The following CHD9 variants were observed in gnomAD, a reference collection of about 807,000 sequenced individuals.
The protein encoded by CHD9 is chromodomain helicase DNA binding protein 9, also known as ATP-dependent chromatin remodeler CHD9.
In CHD9, 77 loss-of-function variants were observed where a neutral mutation model predicts 316.1. The ratio of observed to expected loss-of-function variants is 0.24; its 90% CI spans 0.20 to 0.29. The LOEUF (loss-of-function observed/expected upper bound fraction) is 0.29. Among genes scored for constraint, CHD9 ranks in the 10% least tolerant of loss-of-function variants. The pLI, the probability that CHD9 is intolerant of heterozygous loss-of-function variation, is 1.00. For synonymous variants in CHD9, 1,129 were observed against 1,158.3 expected (o/e 0.97, Z 0.51); for missense variants, 2,763 against 3,438.1 (o/e 0.80, Z 4.91).
intron 1 of CHD9, among the ~76,000 whole-genome samples, chr16:53,151,219 C>G (rs1335361391): frequency 1.5e-5 from 2 of 130,686 alleles, no homozygotes; most frequent in Non-Finnish European, 3.3e-5. Context: ...CCCTCCCCCC[C>G]TCCCCTCCCT....
intron 24 of CHD9, among the ~76,000 whole-genome samples, chr16:53,278,056 G>A (rs1014267783): frequency 2.0e-5 from 3 of 150,968 alleles, no homozygotes; most frequent in East Asian, 1.9e-4. Context: ...AACCAAGGAC[G>A]TGAAAGCTCT....
chr16:53,317,427 T>C (rs562143572), intron 36 of CHD9, among the ~76,000 whole-genome samples: 1 of 152,332 alleles, frequency 6.6e-6, no homozygotes, highest in Admixed American at 6.5e-5. Context: ...AATAGTTGTA[T>C]AGAGAAGTAG....
chr16:53,170,844 A>G (rs1240201986), intron 2 of CHD9, among the ~76,000 whole-genome samples: 1 of 152,150 alleles, frequency 6.6e-6, no homozygotes, highest in Non-Finnish European at 1.5e-5. Context: ...AGGATATTAT[A>G]GATGAATTCA....
chr16:53,321,525 G>T lies in CHD9; in HGVS notation c.7714-1G>T. 6.5e-7 allele frequency: 1 copy of T among 1,536,510 alleles called. No homozygotes were observed. Among genetic ancestry groups the T allele is most frequent in the East Asian group, 2.4e-5 (1 of 42,290 alleles). ...GTATTTAATCTGTTTCTAATTTACA[G>T]GTTGGAGGTGCATTTGCTCCCCCTT... On this transcript the variant is annotated splice_acceptor_variant, in intron 37 of 38. Coordinates refer to ENST00000447540, the MANE Select transcript of CHD9 (RefSeq NM_001308319.2). LOFTEE classifies it high-confidence loss of function.
At chr16:53,158,988 A>G (rs2041721745) in intron 2 of CHD9, among the ~76,000 whole-genome samples, 1 of 152,158 alleles carries the variant, frequency 6.6e-6, no homozygotes, top group Admixed American at 6.5e-5. Flanking sequence ...GAAAATATGT[A>G]TATGGGCCAG....
chr16:53,182,637 A>T (rs1289317371), intron 2 of CHD9, among the ~76,000 whole-genome samples: 1 of 152,148 alleles, frequency 6.6e-6, no homozygotes, highest in Non-Finnish European at 1.5e-5. Context: ...TAGATGAGCC[A>T]ATTTTTTTCC....
At chr16:53,152,388 A>T (rs1239921286) in intron 1 of CHD9, among the ~76,000 whole-genome samples, 1 of 152,112 alleles carries the variant, frequency 6.6e-6, no homozygotes, top group African/African-American at 2.4e-5. Flanking sequence ...GTGGAGAGAC[A>T]GGTGTTTGGA....
chr16:53,163,715 TATTACTG>T (rs1271587385), intron 2 of CHD9, among the ~76,000 whole-genome samples: 1 of 152,208 alleles, frequency 6.6e-6, no homozygotes, highest in Non-Finnish European at 1.5e-5. Flanking sequence ...AAAGTAAGGT[TATTACTG>T]AGATCTGGAA....
intron 3 of CHD9, among the ~76,000 whole-genome samples, chr16:53,214,976 C>T (rs1465849419): frequency 3.3e-5 from 5 of 149,944 alleles, no homozygotes; most frequent in African/African-American, 1.2e-4. Flanking sequence ...TGCAGTGGCA[C>T]ATCTCCGCTC....
intron 1 of CHD9, among the ~76,000 whole-genome samples, chr16:53,095,089 C>G (rs1231887341): frequency 6.6e-6 from 1 of 152,158 alleles, no homozygotes; most frequent in African/African-American, 2.4e-5. Flanking sequence ...ACAGTCACTC[C>G]ACTGCACGTT....
At position 53,156,709 on chromosome 16, in the gene CHD9, G is replaced by C; in HGVS notation, c.620G>C (p.Arg207Thr). The change falls in exon 2 of 39, where the codon AGA becomes ACA. Residue 207 changes from arginine (R) to threonine (T), a missense_variant. Physicochemically the swap from Arg to Thr is moderately conservative, Grantham distance 71 (BLOSUM62 -1). Around this residue, in one of 15 missense-constraint regions of CHD9, gnomAD observed 859 missense variants for 890.4 expected, o/e 0.96. Coordinates refer to ENST00000447540, the MANE Select transcript of CHD9 (RefSeq NM_001308319.2). ...TTTATGAATGTTTCTGGTCCACATA[G>C]AGTCAATGTTAACCACCCACCACAG... ...KNFMNVSGPH[R>T]VNVNHPPQMT... 1 of 1,613,950 alleles carries C rather than the reference G, an allele frequency of 6.2e-7. No homozygotes were observed. Among genetic ancestry groups the C allele is most frequent in the Non-Finnish European group, 8.5e-7 (1 of 1,179,862 alleles).
chr16:53,176,160 G>A (rs1187025046), intron 2 of CHD9, among the ~76,000 whole-genome samples: 1 of 152,198 alleles, frequency 6.6e-6, no homozygotes, highest in Non-Finnish European at 1.5e-5. Flanking sequence ...CAATAGGGTT[G>A]CAGTCCTTTC....
At chr16:53,207,099 G>A (rs867353302) in intron 2 of CHD9, among the ~76,000 whole-genome samples, 37 of 152,262 alleles carry the variant, frequency 2.4e-4, no homozygotes, top group Admixed American at 6.5e-4. Context: ...AGGGGCAGAG[G>A]GGAGAACCCA....
rs1397999855 is a variant in CHD9 at position 53,324,388 on chromosome 16, A to G, written c.8187A>G (p.Gly2729=). The part of the protein sequence containing the change: ...AGLPNLLGMG[G]LLTKPTESGT... ...TACCAAATCTGTTGGGCATGGGAGG[A>G]CTCCTGACAAAGCCTACGGAATCTG... is the stretch of plus-strand genomic sequence containing the variant. Residue 2729 remains glycine (G), a synonymous_variant, in exon 39 of 39, where the codon GGA becomes GGG. Coordinates refer to ENST00000447540, the MANE Select transcript of CHD9 (RefSeq NM_001308319.2). 6.2e-7 allele frequency: 1 copy of G among 1,613,894 alleles called. No individual in the cohort carries two copies. The highest frequency in any genetic ancestry group is 2.2e-5 in the East Asian group (1 of 44,882).
chr16:53,273,572 G>A, intron 22 of CHD9, 54 bp from the exon 23 acceptor site: 1 of 1,386,776 alleles, frequency 7.2e-7, no homozygotes, highest in South Asian at 1.5e-5. Context: ...CAATCTTTCA[G>A]ATTGCAAATT....
chr16:53,073,847 C>T (rs752140296), intron 1 of CHD9, among the ~76,000 whole-genome samples: 9 of 152,162 alleles, frequency 5.9e-5, no homozygotes, highest in Non-Finnish European at 1.2e-4. Context: ...TCTTTATCAG[C>T]AGTGTAAAAA....
intron 37 of CHD9, 34 bp from the exon 38 acceptor site, chr16:53,321,492 G>A: frequency 1.3e-6 from 2 of 1,509,388 alleles, no homozygotes; most frequent in Non-Finnish European, 1.8e-6. Context: ...CTATGTAACA[G>A]TGTTGTAGTA....
At chr16:53,199,783 C>T (rs2045276580) in intron 2 of CHD9, among the ~76,000 whole-genome samples, 1 of 152,148 alleles carries the variant, frequency 6.6e-6, no homozygotes, top group South Asian at 2.1e-4. Context: ...CTATTCTTAC[C>T]ATAAAACTGG....
chr16:53,273,879 C>T, intron 23 of CHD9, 94 bp downstream of exon 23: 5 of 1,175,228 alleles, frequency 4.3e-6, no homozygotes, highest in Admixed American at 4.5e-5. Context: ...AGTACAGAGA[C>T]AGCATGGTCT....
Sources: allele counts gnomAD v4.1 joint callset (sites outside exome capture counted in the v4.1 genomes callset), GRCh38; gene constraint gnomAD v4.1.1; regional missense constraint gnomAD v4.1.1; transcripts MANE v1.5; gene names NCBI Gene and HGNC (gene_info 2026-07-23, HGNC 2026-07-21).